The following BBS9 variants were observed in gnomAD, a reference collection of about 807,000 sequenced individuals.
The protein encoded by BBS9 is Bardet-Biedl syndrome 9.
Under a neutral mutation model 117.7 loss-of-function variants are expected in BBS9, and 89 were observed. That is an observed-to-expected ratio of 0.76 (90% CI 0.64 to 0.90). BBS9 has a LOEUF of 0.90. Among genes scored for constraint, BBS9 ranks in the 40% least tolerant of loss-of-function variants. The pLI is 0.00. For missense variants in BBS9, 982 were observed against 1,042.2 expected (o/e 0.94, Z 0.80); for synonymous variants, 379 against 370.9 (o/e 1.02, Z -0.25).
intron 9 of BBS9, among the ~76,000 whole-genome samples, chr7:33,280,031 T>A (rs753317236): frequency 1.3e-5 from 2 of 152,248 alleles, no homozygotes; most frequent in African/African-American, 2.4e-5. Context: ...ATTGCAGTAC[T>A]TATTGCAGCT....
At position 33,495,492 on chromosome 7, in the gene BBS9, A is replaced by G. The variant is rs1321359302; in HGVS notation, c.2116-9971A>G. 5.3e-5 allele frequency among the ~76,000 whole-genome samples: 8 copies of G among 152,194 alleles called. No individual in the cohort carries two copies. The East Asian group carries it at 1.5e-3, about 29-fold the overall frequency. On this transcript the variant is annotated intron_variant, in intron 19 of 22. Coordinates refer to ENST00000242067, the MANE Select transcript of BBS9 (RefSeq NM_198428.3). ...GTAGATGTTGTTTTTGGAGAGTGAT[A>G]ACTGTGGCATTCTCCAGGGCTTGTA...
At chr7:33,476,462 C>CA (rs1299798513) in intron 19 of BBS9, among the ~76,000 whole-genome samples, 2 of 152,222 alleles carry the variant, frequency 1.3e-5, no homozygotes, top group African/African-American at 2.4e-5. Flanking sequence ...GGTGTTGCTC[C>CA]ATTGCCCTGT....
At chr7:33,514,493 C>G (rs1427967660) in intron 20 of BBS9, among the ~76,000 whole-genome samples, 2 of 152,012 alleles carry the variant, frequency 1.3e-5, no homozygotes, top group Non-Finnish European at 2.9e-5. Context: ...ACAGGCTCAC[C>G]CCTTTCACAG....
At chr7:33,625,847 A>G (rs1865613129) in intron 21 of BBS9, among the ~76,000 whole-genome samples, 1 of 152,222 alleles carries the variant, frequency 6.6e-6, no homozygotes, top group African/African-American at 2.4e-5. Flanking sequence ...ATTAGAATAA[A>G]TATATAATCA....
At chr7:33,345,247 T>A (rs1320653698) in intron 12 of BBS9, among the ~76,000 whole-genome samples, 2 of 152,224 alleles carry the variant, frequency 1.3e-5, no homozygotes, top group Non-Finnish European at 2.9e-5. Context: ...CATTGTAGAA[T>A]TTTAGAACTA....
intron 21 of BBS9, 57 bp downstream of exon 21, chr7:33,534,233 A>G: frequency 1.3e-6 from 2 of 1,540,112 alleles, no homozygotes; most frequent in African/African-American, 1.4e-5. Context: ...AATTAGAGGA[A>G]TGTGCCTGTG....
chr7:33,623,271 G>A (rs1865494400), intron 21 of BBS9, among the ~76,000 whole-genome samples: 1 of 151,672 alleles, frequency 6.6e-6, no homozygotes. Context: ...CAATTAATAT[G>A]CTAAAATTGG....
Position 33,423,494 on chromosome 7 carries a change from A to C in BBS9, c.2115+35350A>C, listed in dbSNP as rs1484929530. ...GTGTGCACACTGTGCTTCTGGTAGC[A>C]GGGTCTAGGATTAAGAGGGCCTTTC... is the stretch of plus-strand genomic sequence containing the variant. On this transcript the variant is annotated intron_variant, in intron 19 of 22. Coordinates refer to ENST00000242067, the MANE Select transcript of BBS9 (RefSeq NM_198428.3). 3.3e-5 allele frequency among the ~76,000 whole-genome samples: 5 copies of C among 152,140 alleles called. No homozygotes were observed. The East Asian group carries it at 9.7e-4, about 29-fold the overall frequency.
intron 5 of BBS9, among the ~76,000 whole-genome samples, chr7:33,196,741 A>G (rs1032557694): frequency 6.6e-6 from 1 of 152,170 alleles, no homozygotes; most frequent in African/African-American, 2.4e-5. Flanking sequence ...ATCCACAGTG[A>G]GAAGTCGGAA....
intron 5 of BBS9, among the ~76,000 whole-genome samples, chr7:33,226,862 T>C (rs1237572788): frequency 6.6e-6 from 1 of 152,106 alleles, no homozygotes; most frequent in Non-Finnish European, 1.5e-5. Flanking sequence ...AGACCCAAAA[T>C]TGAATGGTGG....
At chr7:33,171,710 TTAA>T (rs1160964686) in intron 4 of BBS9, among the ~76,000 whole-genome samples, 1 of 152,194 alleles carries the variant, frequency 6.6e-6, no homozygotes, top group African/African-American at 2.4e-5. Context: ...TGTTTAATAA[TTAA>T]TGTTTCAATA....
intron 5 of BBS9, among the ~76,000 whole-genome samples, chr7:33,214,009 C>A (rs1279756994): frequency 6.6e-6 from 1 of 152,164 alleles, no homozygotes; most frequent in Non-Finnish European, 1.5e-5. Flanking sequence ...AGCTCAAGTG[C>A]CACTCTAGTC....
chr7:33,618,340 G>C (rs907764534), intron 21 of BBS9, among the ~76,000 whole-genome samples: 1 of 148,740 alleles, frequency 6.7e-6, no homozygotes, highest in African/African-American at 2.5e-5. Context: ...GCAGAACCTT[G>C]TCTCAAAAAA....
chr7:33,210,641 A>G (rs144860989), intron 5 of BBS9, among the ~76,000 whole-genome samples: 60 of 152,158 alleles, frequency 3.9e-4, no homozygotes, highest in Non-Finnish European at 6.8e-4. Context: ...GGTTCAAGCG[A>G]ATTCTCCTGC....
intron 21 of BBS9, among the ~76,000 whole-genome samples, chr7:33,597,275 G>A (rs1017992425): frequency 3.3e-5 from 5 of 152,000 alleles, no homozygotes; most frequent in Admixed American, 2.6e-4. Context: ...TATTCATCAA[G>A]TAAATCTTGA....
intron 19 of BBS9, among the ~76,000 whole-genome samples, chr7:33,502,403 A>G (rs1845582480): frequency 6.6e-6 from 1 of 152,194 alleles, no homozygotes; most frequent in Admixed American, 6.5e-5. Flanking sequence ...TTGGGAAGAA[A>G]TGTAAACCGT....
In BBS9 at chr7:33,336,527, C is replaced by T. The variant is rs1815389952; in HGVS notation, c.1103C>T (p.Ala368Val). The T allele has an allele frequency of 1.9e-6, 3 of 1,613,462 alleles. No homozygotes were observed. The highest frequency in any genetic ancestry group is 1.7e-4 in the Middle Eastern group (1 of 6,058). The change falls in exon 10 of 23, where the codon GCT becomes GTT. Residue 368 changes from alanine to valine, a missense_variant. Physicochemically the swap from Ala to Val is moderately conservative, Grantham distance 64 (BLOSUM62 0). Coordinates refer to ENST00000242067, the MANE Select transcript of BBS9 (RefSeq NM_198428.3). ...GGGACAGATCCTTCTCTGTTCCAAG[C>T]TCCAAACGTTCAATCTCGAGAACTA... The part of the protein sequence containing the change: ...YLGTDPSLFQ[A>V]PNVQSRELNY...
At chr7:33,540,237 GA>G (rs1852061717) in intron 21 of BBS9, among the ~76,000 whole-genome samples, 1 of 152,118 alleles carries the variant, frequency 6.6e-6, no homozygotes, top group African/African-American at 2.4e-5. Flanking sequence ...TTGGAGAGAA[GA>G]AATAGATTCC....
intron 19 of BBS9, among the ~76,000 whole-genome samples, chr7:33,445,138 C>A (rs1049501664): frequency 2.6e-5 from 4 of 152,126 alleles, no homozygotes; most frequent in African/African-American, 7.2e-5. Flanking sequence ...TTTGATGGAA[C>A]CGGTCTCTCT....
Sources: gnomAD v4.1 joint callset for allele counts (sites outside exome capture counted in the v4.1 genomes callset) on GRCh38, gnomAD v4.1.1 for gene constraint, MANE v1.5 for transcripts, NCBI Gene and HGNC (gene_info 2026-07-23, HGNC 2026-07-21) for gene names.